LRP8: variants seen among roughly 807,000 people sequenced by gnomAD.
LRP8 encodes the protein low-density lipoprotein receptor-related protein 8.
A neutral mutation model predicts 111.6 loss-of-function variants in LRP8; 46 were observed. The observed-to-expected ratio is 0.41, with a 90% CI of 0.33 to 0.53. LRP8 has a LOEUF of 0.53. Among genes scored for constraint, LRP8 ranks in the 20% least tolerant of loss-of-function variants. The pLI is 0.20. For synonymous variants in LRP8, 464 were observed against 511.2 expected, an observed-to-expected ratio of 0.91 and a Z score of 1.24; for missense variants, 959 against 1,297.4, an observed-to-expected ratio of 0.74 and a Z score of 4.01.
chr1:53,321,401 C>G (rs1416260007), intron 2 of LRP8, among the ~76,000 whole-genome samples: 1 of 152,180 alleles, frequency 6.6e-6, no homozygotes, highest in Non-Finnish European at 1.5e-5. Flanking sequence ...GGACACAACC[C>G]CACACCCTCC....
At chr1:53,309,091 A>G (rs1466813150) in intron 2 of LRP8, among the ~76,000 whole-genome samples, 1 of 152,194 alleles carries the variant, frequency 6.6e-6, no homozygotes, top group East Asian at 1.9e-4. Flanking sequence ...TCTGGCCAAC[A>G]TGATGAAACT....
At chr1:53,309,651 C>T (rs1364427175) in intron 2 of LRP8, among the ~76,000 whole-genome samples, 1 of 152,084 alleles carries the variant, frequency 6.6e-6, no homozygotes, top group African/African-American at 2.4e-5. Flanking sequence ...GTCAGAGAGG[C>T]CAGGTCCCTG....
intron 6 of LRP8, among the ~76,000 whole-genome samples, chr1:53,273,970 C>CAAAAAACA (rs1646838355): frequency 6.6e-6 from 1 of 151,278 alleles, no homozygotes; most frequent in Non-Finnish European, 1.5e-5. Flanking sequence ...ACAGTAAAAA[C>CAAAAAACA]AAAAAACAAA....
chr1:53,248,838 A>G (rs1480339401), intron 18 of LRP8, among the ~76,000 whole-genome samples: 4 of 152,222 alleles, frequency 2.6e-5, no homozygotes, highest in Non-Finnish European at 5.9e-5. Context: ...GTGCTTTGTA[A>G]GTCACAAAGT....
rs1655234941 is a variant in LRP8, at chr1:53,327,067, G to T, written c.125-75C>A. 1.9e-6 allele frequency: 3 copies of T among 1,570,980 alleles called. No homozygotes were observed. The Admixed American group carries it at 5.2e-5, about 27-fold the overall frequency. ...CCCACCATGCAGTCCGGGCCACCCG[G>T]AAGGACCCGCTGGGGAGGAGGAAAG... On this transcript the variant is annotated intron_variant, in intron 1 of 18. Coordinates refer to ENST00000306052, the MANE Select transcript of LRP8 (RefSeq NM_004631.5).
At position 53,243,237 on chromosome 1, in the gene LRP8, T is replaced by C. The variant is rs1034643345; in HGVS notation, c.*3781A>G. 6.6e-6 allele frequency: 1 copy of C among 152,214 alleles called. No homozygotes were observed. The highest frequency in any genetic ancestry group is 2.4e-5 in the African/African-American group (1 of 41,460). The allele number at this position is 152,214 out of a possible 1,614,324, so 9.4% of individuals were successfully genotyped here. On this transcript the variant is annotated 3_prime_UTR_variant, in exon 19 of 19. Coordinates refer to ENST00000306052, the MANE Select transcript of LRP8 (RefSeq NM_004631.5). ...TTCCCCATTCCCACCAGTGCCCAACTGGACAGTGATTAGTATCCCCTCTCC... is the reference window on the plus strand; with the variant it reads ...TTCCCCATTCCCACCAGTGCCCAACCGGACAGTGATTAGTATCCCCTCTCC...
In LRP8 at chr1:53,242,858, T is replaced by TATATATATATATACAC. The variant is rs56722919; in HGVS notation, c.*4159_*4160insGTGTATATATATATAT. On this transcript the variant is annotated 3_prime_UTR_variant, in exon 19 of 19. Coordinates refer to ENST00000306052, the MANE Select transcript of LRP8 (RefSeq NM_004631.5). ...TTAAATATATATATATATATATATA[T>TATATATATATATACAC]ACACACACACACACGTGGCTTTTTA... The TATATATATATATACAC allele has an allele frequency of 1.7e-4, 24 of 140,608 alleles. No individual in the cohort carries two copies. Among genetic ancestry groups the TATATATATATATACAC allele is most frequent in the East Asian group, 6.1e-4 (3 of 4,906 alleles). 8.7% of individuals were successfully genotyped at this position (140,608 alleles called of 1,614,324 possible).
At chr1:53,281,076 C>A (rs1647091120) in intron 3 of LRP8, among the ~76,000 whole-genome samples, 5 of 152,188 alleles carry the variant, frequency 3.3e-5, no homozygotes, top group Admixed American at 3.3e-4. Flanking sequence ...TCTTCTCTGC[C>A]ATTTCCCAGC....
At chr1:53,290,460 G>A (rs1417365360) in intron 2 of LRP8, among the ~76,000 whole-genome samples, 1 of 152,204 alleles carries the variant, frequency 6.6e-6, no homozygotes, top group Admixed American at 6.5e-5. Context: ...TCAGGCACAT[G>A]GCAGATGCTG....
At chr1:53,291,042 G>A (rs1378835495) in intron 2 of LRP8, among the ~76,000 whole-genome samples, 1 of 152,206 alleles carries the variant, frequency 6.6e-6, no homozygotes, top group African/African-American at 2.4e-5. Context: ...AGAGCACTGG[G>A]CAGGGAGTCC....
rs961083850 is a variant in LRP8, at chr1:53,313,054, G to A, written c.244+13819C>T. Among the ~76,000 whole-genome samples, 22 of 152,286 alleles carry A rather than the reference G, an allele frequency of 1.4e-4. 1 individual carries two copies. Among genetic ancestry groups the A allele is most frequent in the Non-Finnish European group, 1.0e-4 (7 of 68,020 alleles). ...TCTAGCTGCAGCCTCAGGGTCATGCGGGGCCATGTCTGATCCCAGCCACAG... is the reference window on the plus strand; with the variant it reads ...TCTAGCTGCAGCCTCAGGGTCATGCAGGGCCATGTCTGATCCCAGCCACAG... On this transcript the variant is annotated intron_variant, in intron 2 of 18. Transcript: ENST00000306052.
At chr1:53,311,606 C>T (rs1653011875) in intron 2 of LRP8, among the ~76,000 whole-genome samples, 1 of 123,808 alleles carries the variant, frequency 8.1e-6, no homozygotes, top group South Asian at 2.2e-4. Flanking sequence ...CCCAGCCTCC[C>T]CAGTGTGCTC....
At position 53,258,371 on chromosome 1, in the gene LRP8, A is replaced by G; in HGVS notation, c.2157T>C (p.Cys719=). The G allele has an allele frequency of 6.2e-7, 1 of 1,614,180 alleles. No individual in the cohort carries two copies. Among genetic ancestry groups the G allele is most frequent in the Non-Finnish European group, 8.5e-7 (1 of 1,180,016 alleles). Residue 719 remains cysteine, a synonymous_variant, in exon 14 of 19, where the codon TGT becomes TGC. Coordinates refer to ENST00000306052, the MANE Select transcript of LRP8 (RefSeq NM_004631.5). ...CCAGCCACATTGTGTCAGGACAGGC[A>G]CATGTGTACTTGGGAGAGTGGCTGG... ...QISSHSPKYT[C]ACPDTMWLGP...
rs1645812095 is a variant in LRP8 at position 53,249,037 on chromosome 1, C to A, written c.2853+343G>T. ...CTTCTTCCACTGTGCTCCCTCTGAT[C>A]TTCAAAAACTGGTCAAGCAACTATT... On this transcript the variant is annotated intron_variant, in intron 18 of 18. Coordinates refer to ENST00000306052, the MANE Select transcript of LRP8 (RefSeq NM_004631.5). The surrounding 1 kb of genome is among the most constrained non-coding windows in gnomAD (Gnocchi z 4.1). 6.6e-6 allele frequency among the ~76,000 whole-genome samples: 1 copy of A among 152,180 alleles called. No homozygotes were observed. The highest frequency in any genetic ancestry group is 2.1e-4 in the South Asian group (1 of 4,828).
At chr1:53,323,147 T>C (rs1654729868) in intron 2 of LRP8, among the ~76,000 whole-genome samples, 1 of 152,150 alleles carries the variant, frequency 6.6e-6, no homozygotes, top group African/African-American at 2.4e-5. Flanking sequence ...GGGAAGGACC[T>C]ACCTAAGTCA....
rs1360504471 is a variant in LRP8, at chr1:53,293,507, G to A, written c.245-3818C>T. On this transcript the variant is annotated intron_variant, in intron 2 of 18. Coordinates refer to ENST00000306052, the MANE Select transcript of LRP8 (RefSeq NM_004631.5). This position sits in a 1 kb window ranked among gnomAD's most constrained non-coding sequence, Gnocchi z 4.9. ...ACAGAAGAGGAAATTAAGGCTTAGA[G>A]GTAAGGGTGTTAGGTGGCAGAAGTG... 6.6e-6 allele frequency among the ~76,000 whole-genome samples: 1 copy of A among 152,220 alleles called. No individual in the cohort carries two copies. Among genetic ancestry groups the A allele is most frequent in the Non-Finnish European group, 1.5e-5 (1 of 68,038 alleles).
intron 15 of LRP8, 126 bp downstream of exon 15, chr1:53,257,114 T>C (rs1424688057): frequency 4.8e-6 from 4 of 841,278 alleles, no homozygotes; most frequent in South Asian, 1.7e-5. Flanking sequence ...CTCTCAGATA[T>C]GCAGTAACCT....
Position 53,246,073 on chromosome 1 carries a change from A to G in LRP8, c.*945T>C, listed in dbSNP as rs1409810068. 1 of 152,130 alleles carries G rather than the reference A, an allele frequency of 6.6e-6. No homozygotes were observed. Among genetic ancestry groups the G allele is most frequent in the Non-Finnish European group, 1.5e-5 (1 of 68,016 alleles). The allele number at this position is 152,130 out of a possible 1,614,324, so 9.4% of individuals were successfully genotyped here. A position where few individuals can be genotyped will look rare whatever the true frequency, so the allele number is the denominator to read the frequency against. On this transcript the variant is annotated 3_prime_UTR_variant, in exon 19 of 19. Transcript: ENST00000306052. ...CATATCCTATCTTGAGTTTCTGAGC[A>G]CTCTGGTACCATGGAATGTCTGTAC...
rs200553949 is a variant in LRP8 at position 53,262,051 on chromosome 1, C to T, written c.1914+17G>A. The T allele has an allele frequency of 3.6e-4, 579 of 1,612,796 alleles. No individual in the cohort carries two copies. The highest frequency in any genetic ancestry group is 4.7e-4 in the Non-Finnish European group (559 of 1,179,314). On this transcript the variant is annotated intron_variant, in intron 12 of 18. Coordinates refer to ENST00000306052, the MANE Select transcript of LRP8 (RefSeq NM_004631.5). The surrounding 1 kb of genome is among the most constrained non-coding windows in gnomAD (Gnocchi z 4.8). ...TCAGCTTCCTAGTGGGCCCTTGCCT[C>T]TCCTTACAGGACTCACCTCAAACAC...
Sources: allele counts gnomAD v4.1 joint callset (sites outside exome capture counted in the v4.1 genomes callset), GRCh38; gene constraint gnomAD v4.1.1; non-coding constraint Gnocchi (gnomAD v3.1); transcripts MANE v1.5; gene names NCBI Gene and HGNC (gene_info 2026-07-23, HGNC 2026-07-21).